Variants in ZNF483 observed in about 807,000 individuals in gnomAD.
ZNF483 encodes zinc finger protein 483, also known as zinc finger protein HIT-10.
Under a neutral mutation model 28.6 loss-of-function variants are expected in ZNF483, and 9 were observed. The observed-to-expected ratio is 0.32, with a 90% CI of 0.19 to 0.55. The LOEUF is 0.55. Ranked by LOEUF, ZNF483 falls within the 20% of genes least tolerant of loss-of-function variation. The probability of loss-of-function intolerance (pLI) is 0.93; values close to 1 mark genes in which losing one functional copy is unlikely to be tolerated. For synonymous variants in ZNF483, 322 were observed against 306.2 expected, an observed-to-expected ratio of 1.05 and a Z score of -0.54; for missense variants, 675 against 871.7, an observed-to-expected ratio of 0.77 and a Z score of 2.84.
At chr9:111,533,990 T>TA in intron 4 of ZNF483, 125 bp downstream of exon 4, 1 of 1,196,310 alleles carries the variant, frequency 8.4e-7, no homozygotes, top group East Asian at 2.4e-5. Flanking sequence ...CTGATAGGAC[T>TA]AATCCTAAAA....
rs778751053 is a variant in ZNF483, at chr9:111,527,783, T to A, written c.388T>A (p.Leu130Met). ...SEEVVTLIEDLTQMLEEKDPV... is the reference protein window; with the variant it reads ...SEEVVTLIEDMTQMLEEKDPV... ...GGAAGTGGTGACCCTAATAGAAGAT[T>A]TGACCCAGATGCTTGAAGAAAAAGG... The change falls in exon 2 of 6, where the codon TTG (leucine) becomes ATG (methionine). Residue 130 changes from leucine to methionine, a missense_variant. Physicochemically the swap from Leu to Met is conservative, Grantham distance 15. Coordinates refer to ENST00000309235, the MANE Select transcript of ZNF483 (RefSeq NM_133464.5). 1 of 1,614,056 alleles carries A rather than the reference T, an allele frequency of 6.2e-7. No homozygotes were observed. Among genetic ancestry groups the A allele is most frequent in the East Asian group, 2.2e-5 (1 of 44,880 alleles).
intron 5 of ZNF483, among the ~76,000 whole-genome samples, chr9:111,565,743 T>C (rs1215216888): frequency 6.6e-6 from 1 of 152,124 alleles, no homozygotes; most frequent in African/African-American, 2.4e-5. Flanking sequence ...AGGGCTGGTC[T>C]TGGACTCCTG....
rs1403456336 is a variant in ZNF483, at chr9:111,547,911, C to T, written c.*4741C>T. Among the ~76,000 whole-genome samples, 1 of 152,166 alleles carries T rather than the reference C, an allele frequency of 6.6e-6. No homozygotes were observed. On this transcript the variant is annotated 3_prime_UTR_variant, in exon 6 of 6. Coordinates refer to ENST00000309235, the MANE Select transcript of ZNF483 (RefSeq NM_133464.5). ...CTTTCCACATCATGTATTCTTTGCA[C>T]TCTTGTCAAAGATCATTTGACCATA... is the stretch of plus-strand genomic sequence containing the variant.
chr9:111,555,961 A>C (rs117546821), downstream of ZNF483, among the ~76,000 whole-genome samples: 5,481 of 152,318 alleles, frequency 0.036, 167 homozygotes, highest in East Asian at 0.087. Flanking sequence ...TTAACTCAAA[A>C]GTCCAAGTCC....
chr9:111,530,887 A>C lies in ZNF483; in HGVS notation c.425A>C (p.Gln142Pro). Reference protein sequence around the residue: ...QMLEEKDPVSQDSTVSQEENS... With the variant: ...QMLEEKDPVSPDSTVSQEENS... The stretch of plus-strand genomic sequence containing the variant: ...TCCCCTTTCCTAGATCCAGTCTCTC[A>C]AGATTCTACTGTTTCCCAAGAGGAG... Residue 142 changes from glutamine (Q) to proline (P), a missense_variant, in exon 3 of 6, where the codon CAA (glutamine) becomes CCA (proline). This residue lies in a region of ZNF483 where 525 missense variants were observed against 581.8 expected (regional missense o/e 0.90). Transcript: ENST00000309235. The C allele has an allele frequency of 1.4e-5, 21 of 1,491,192 alleles. No homozygotes were observed. The highest frequency in any genetic ancestry group is 1.9e-5 in the Non-Finnish European group (21 of 1,102,404). 92.4% of individuals were successfully genotyped at this position (1,491,192 alleles called of 1,614,324 possible).
At chr9:111,538,986 G>A (rs566275487) in intron 5 of ZNF483, among the ~76,000 whole-genome samples, 78 of 151,940 alleles carry the variant, frequency 5.1e-4, no homozygotes, top group Non-Finnish European at 9.3e-4. Context: ...GGTAGTGAGC[G>A]CCTGTAGTCC....
chr9:111,570,241 G>A, intron 5 of ZNF483: 3 of 1,597,396 alleles, frequency 1.9e-6, no homozygotes, highest in Non-Finnish European at 2.6e-6. Context: ...TGGGTGGCAG[G>A]ATCCAGGGAG....
chr9:111,559,944 A>C (rs1828226479), downstream of ZNF483, among the ~76,000 whole-genome samples: 4 of 151,910 alleles, frequency 2.6e-5, no homozygotes, highest in South Asian at 8.3e-4. Context: ...TTGTACAGAC[A>C]CTCTTCTCCC....
chr9:111,576,270 A>T (rs1829050498), intron 5 of ZNF483: 2 of 1,263,616 alleles, frequency 1.6e-6, no homozygotes, highest in Non-Finnish European at 2.3e-6. Flanking sequence ...CCTCATTATT[A>T]GTGGATTTCA....
At position 111,574,668 on chromosome 9, in the gene ZNF483, C is replaced by A. The variant is rs1331892805; in HGVS notation, c.722-1697C>A. 9.5e-6 allele frequency: 10 copies of A among 1,054,074 alleles called. No individual in the cohort carries two copies. In the African/African-American group the frequency reaches 1.1e-4, roughly 12 times the overall value. The allele number at this position is 1,054,074 out of a possible 1,614,324, so 65.3% of individuals were successfully genotyped here. A position where few individuals can be genotyped will look rare whatever the true frequency, so the allele number is the denominator to read the frequency against. On this transcript the variant is annotated intron_variant, in intron 5 of 5. Coordinates refer to the ZNF483 transcript ENST00000358151. ...TAATTTCAGAGTCACTGGCCTATGG[C>A]ATATCTGTGAATTTTCTCCTTGTCC...
rs556739600 is a variant in ZNF483 at position 111,543,799 on chromosome 9, T to C, written c.*629T>C. On this transcript the variant is annotated 3_prime_UTR_variant, in exon 6 of 6. Coordinates refer to ENST00000309235, the MANE Select transcript of ZNF483 (RefSeq NM_133464.5). ...TTCTTTTTTTTTTTTCAATTTTTCT[T>C]TTTTGGGATGGAGTCTCACTATGTT... is the stretch of plus-strand genomic sequence containing the variant. The C allele has an allele frequency of 2.1e-6, 2 of 942,278 alleles. No homozygotes were observed. Among genetic ancestry groups the C allele is most frequent in the Non-Finnish European group, 2.5e-6 (2 of 791,144 alleles). 58.4% of individuals were successfully genotyped at this position (942,278 alleles called of 1,614,324 possible).
rs1589280626 is a variant in ZNF483, at chr9:111,550,072, GTTTT to G, written c.*6905_*6908del. Among the ~76,000 whole-genome samples the G allele has an allele frequency of 6.6e-6, 1 of 152,032 alleles. No individual in the cohort carries two copies. The highest frequency in any genetic ancestry group is 1.5e-5 in the Non-Finnish European group (1 of 67,994). ...TTTGTTGTTGTTTTTTGTGTTGTGT[GTTTT>G]TTGTTTTCGTTTTTGTTTTACTGTC... is the stretch of plus-strand genomic sequence containing the variant. On this transcript the variant is annotated 3_prime_UTR_variant, in exon 6 of 6. Coordinates refer to ENST00000309235, the MANE Select transcript of ZNF483 (RefSeq NM_133464.5).
At chr9:111,576,218 C>A in intron 5 of ZNF483, 1 of 722,606 alleles carries the variant, frequency 1.4e-6, no homozygotes, top group Non-Finnish European at 2.2e-6. Context: ...AAAGGCAATT[C>A]ACTGAATAGG....
chr9:111,561,960 A>G (rs1238727570), intron 5 of ZNF483, among the ~76,000 whole-genome samples: 1 of 150,106 alleles, frequency 6.7e-6, no homozygotes, highest in African/African-American at 2.5e-5. Flanking sequence ...ATATCGGCTC[A>G]CTGCAACGTC....
At chr9:111,566,175 C>T (rs943011298) in intron 5 of ZNF483, among the ~76,000 whole-genome samples, 3 of 152,008 alleles carry the variant, frequency 2.0e-5, no homozygotes, top group African/African-American at 7.2e-5. Flanking sequence ...TGCACTCCAG[C>T]CTGGACGACA....
chr9:111,531,831 G>A lies in ZNF483; in HGVS notation c.501+868G>A, dbSNP rs188713782. On this transcript the variant is annotated intron_variant, in intron 3 of 5. Coordinates refer to ENST00000309235, the MANE Select transcript of ZNF483 (RefSeq NM_133464.5). The stretch of plus-strand genomic sequence containing the variant: ...TGAGTAGCTGGGACAACTGGCGCAC[G>A]CCACTGTGCCCAGCTCATTTTAAAA... 2.0e-3 allele frequency among the ~76,000 whole-genome samples: 308 copies of A among 152,250 alleles called. 2 individuals carry two copies. The highest frequency in any genetic ancestry group is 3.2e-3 in the Non-Finnish European group (215 of 68,014).
At chr9:111,567,655 GTTTAC>G (rs1828623451) in intron 5 of ZNF483, among the ~76,000 whole-genome samples, 1 of 152,182 alleles carries the variant, frequency 6.6e-6, no homozygotes, top group African/African-American at 2.4e-5. Flanking sequence ...TAGCACTTTG[GTTTAC>G]TTTAAGTGAA....
rs1163461239 is a variant in ZNF483 at position 111,542,190 on chromosome 9, G to C, written c.1255G>C (p.Asp419His). Residue 419 changes from aspartate (D) to histidine (H), a missense_variant, in exon 6 of 6, where the codon GAT becomes CAT. Transcript: ENST00000309235. This position sits in a 1 kb window ranked among gnomAD's most constrained non-coding sequence, Gnocchi z 6.2. ...CCCTATGTGTGAGAAATGTCGGAAA[G>C]ATTCATGTCAAGAAGCAGCCTTAAA... is the stretch of plus-strand genomic sequence containing the variant. Reference protein sequence around the residue: ...KTPMCEKCRKDSCQEAALNKD... With the variant: ...KTPMCEKCRKHSCQEAALNKD... 6.2e-7 allele frequency: 1 copy of C among 1,614,048 alleles called. No homozygotes were observed. Among genetic ancestry groups the C allele is most frequent in the Admixed American group, 1.7e-5 (1 of 60,026 alleles).
chr9:111,561,871 T>C (rs1828333831), intron 5 of ZNF483, among the ~76,000 whole-genome samples: 1 of 152,116 alleles, frequency 6.6e-6, no homozygotes, highest in African/African-American at 2.4e-5. Flanking sequence ...TATGCTGTTG[T>C]TTTTTTGTTT....
Sources: gnomAD v4.1 joint callset for allele counts (sites outside exome capture counted in the v4.1 genomes callset) on GRCh38, gnomAD v4.1.1 for gene constraint, gnomAD v4.1.1 regional missense constraint, Gnocchi (gnomAD v3.1) non-coding constraint, MANE v1.5 for transcripts, NCBI Gene and HGNC (gene_info 2026-07-23, HGNC 2026-07-21) for gene names.